The following RBM46 variants were observed in gnomAD, a reference collection of about 807,000 sequenced individuals.
The protein encoded by RBM46 is RNA binding motif protein 46, also known as probable RNA-binding protein 46.
A neutral mutation model predicts 43.3 loss-of-function variants in RBM46; 12 were observed. The ratio of observed to expected loss-of-function variants is 0.28; its 90% CI spans 0.18 to 0.45. The LOEUF (loss-of-function observed/expected upper bound fraction) is 0.45. Among genes scored for constraint, RBM46 ranks in the 20% least tolerant of loss-of-function variants. The pLI is 1.00. For missense variants in RBM46, 412 were observed against 639.1 expected (o/e 0.64, Z 3.83); for synonymous variants, 205 against 207.6 (o/e 0.99, Z 0.11).
intron 4 of RBM46, among the ~76,000 whole-genome samples, chr4:154,817,579 G>T (rs565158639): frequency 6.6e-6 from 1 of 151,990 alleles, no homozygotes; most frequent in Non-Finnish European, 1.5e-5. Flanking sequence ...TGATGTGCCC[G>T]CCTTGGCCTC....
Position 154,796,854 on chromosome 4 carries a change from C to T in RBM46, c.102C>T (p.Tyr34=), listed in dbSNP as rs1034724120. ...ALLALMEKTG[Y]NMVQENGQRK... The stretch of plus-strand genomic sequence containing the variant: ...TTGCTTTGATGGAAAAGACTGGTTA[C>T]AACATGGTTCAGGAAAATGGACAAA... Residue 34 remains tyrosine (Y), a synonymous_variant, in exon 2 of 5, where the codon TAC becomes TAT. Transcript: ENST00000281722. The T allele has an allele frequency of 3.2e-5, 51 of 1,613,838 alleles. No individual in the cohort carries two copies. The highest frequency in any genetic ancestry group is 4.2e-5 in the Non-Finnish European group (50 of 1,179,890).
intron 4 of RBM46, among the ~76,000 whole-genome samples, chr4:154,824,098 T>G (rs1177220285): frequency 6.6e-6 from 1 of 151,958 alleles, no homozygotes; most frequent in Non-Finnish European, 1.5e-5. Context: ...CTCTTTTTTT[T>G]TTTTGTTTTC....
intron 4 of RBM46, among the ~76,000 whole-genome samples, chr4:154,824,778 G>T (rs1239564802): frequency 6.6e-6 from 1 of 151,880 alleles, no homozygotes; most frequent in South Asian, 2.1e-4. Context: ...TTGAGAGAAA[G>T]AAGATAGACA....
At chr4:154,823,230 C>CA (rs1173574884) in intron 4 of RBM46, among the ~76,000 whole-genome samples, 1 of 151,736 alleles carries the variant, frequency 6.6e-6, no homozygotes, top group Non-Finnish European at 1.5e-5. Context: ...AATACAAAGG[C>CA]TAGTAGTTGC....
chr4:154,800,799 T>A (rs1734597169), intron 4 of RBM46, among the ~76,000 whole-genome samples: 1 of 152,184 alleles, frequency 6.6e-6, no homozygotes, highest in Non-Finnish European at 1.5e-5. Context: ...CTGAAAATTA[T>A]TTTTTATATG....
chr4:154,824,757 T>C (rs1196023793), intron 4 of RBM46, among the ~76,000 whole-genome samples: 2 of 152,090 alleles, frequency 1.3e-5, no homozygotes, highest in East Asian at 3.8e-4. Context: ...TCAAATGTGC[T>C]TAAAATTATG....
intron 4 of RBM46, among the ~76,000 whole-genome samples, chr4:154,803,159 CTTGG>C (rs1246717942): frequency 4.6e-5 from 7 of 152,200 alleles, no homozygotes; most frequent in Non-Finnish European, 1.0e-4. Context: ...CTCAAAAGTT[CTTGG>C]TTTACAGGTC....
chr4:154,804,473 G>T (rs897790261), intron 4 of RBM46, among the ~76,000 whole-genome samples: 1 of 152,274 alleles, frequency 6.6e-6, no homozygotes. Context: ...AGGATTCTTT[G>T]CATTGTAGAA....
intron 4 of RBM46, among the ~76,000 whole-genome samples, chr4:154,823,601 A>G (rs982399380): frequency 6.6e-6 from 1 of 151,958 alleles, no homozygotes; most frequent in Non-Finnish European, 1.5e-5. Flanking sequence ...AGCAGCTAAG[A>G]ATTAGTGGTG....
intron 4 of RBM46, among the ~76,000 whole-genome samples, chr4:154,805,471 G>A (rs183259147): frequency 5.9e-5 from 9 of 151,882 alleles, no homozygotes; most frequent in African/African-American, 2.2e-4. Flanking sequence ...TTTTTTTCTG[G>A]TAATTGAATA....
At chr4:154,821,507 G>A (rs1448177213) in intron 4 of RBM46, among the ~76,000 whole-genome samples, 5 of 151,806 alleles carry the variant, frequency 3.3e-5, no homozygotes, top group East Asian at 1.9e-4. Flanking sequence ...TTAGAAAGTA[G>A]CACCAAAAGG....
intron 4 of RBM46, among the ~76,000 whole-genome samples, chr4:154,817,785 G>T (rs1334135354): frequency 6.6e-6 from 1 of 151,680 alleles, no homozygotes; most frequent in Non-Finnish European, 1.5e-5. Context: ...CTCTCATTTT[G>T]CCATTTGCGT....
At position 154,783,529 on chromosome 4, in the gene RBM46, G is replaced by A. The variant is rs156549; in HGVS notation, c.-12+2093G>A. Among the ~76,000 whole-genome samples the A allele has an allele frequency of 4.6e-3, 701 of 152,268 alleles. 10 individuals carry two copies. Among genetic ancestry groups the A allele is most frequent in the African/African-American group, 0.016 (661 of 41,540 alleles). Reference sequence around the variant, plus strand: ...TACTACCCGATGATTGATGAGGCAAGAAAATGTGATCTCTATGTTCAAATT... The same window carrying A: ...TACTACCCGATGATTGATGAGGCAAAAAAATGTGATCTCTATGTTCAAATT... On this transcript the variant is annotated intron_variant, in intron 1 of 4. Transcript: ENST00000281722.
intron 1 of RBM46, among the ~76,000 whole-genome samples, chr4:154,782,211 C>T (rs939742713): frequency 1.3e-5 from 2 of 152,124 alleles, no homozygotes; most frequent in African/African-American, 4.8e-5. Flanking sequence ...TTTTTAAACC[C>T]CTAATTTAAA....
At chr4:154,788,078 G>A (rs926566998) in intron 1 of RBM46, among the ~76,000 whole-genome samples, 1 of 152,088 alleles carries the variant, frequency 6.6e-6, no homozygotes, top group Non-Finnish European at 1.5e-5. Flanking sequence ...TGGAGATTCT[G>A]GATATTAGCC....
chr4:154,808,344 A>G (rs765887832), intron 4 of RBM46, among the ~76,000 whole-genome samples: 10 of 152,066 alleles, frequency 6.6e-5, no homozygotes, highest in South Asian at 2.1e-4. Flanking sequence ...CTTCCATTAT[A>G]TAGTCTAAGG....
intron 3 of RBM46, 114 bp downstream of exon 3, chr4:154,798,392 ATTGT>A (rs1734451550): frequency 4.4e-6 from 3 of 681,270 alleles, no homozygotes; most frequent in Admixed American, 7.0e-5. Context: ...AGAGTAAAGA[ATTGT>A]TTGAGTAATG....
chr4:154,784,448 TTAAAGA>T (rs1204658907), intron 1 of RBM46, among the ~76,000 whole-genome samples: 15 of 152,366 alleles, frequency 9.8e-5, no homozygotes, highest in Non-Finnish European at 1.5e-4. Flanking sequence ...TAGTTAGCAC[TTAAAGA>T]TAAAGGCTTG....
intron 1 of RBM46, among the ~76,000 whole-genome samples, chr4:154,783,002 T>C (rs1352231703): frequency 6.6e-6 from 1 of 152,246 alleles, no homozygotes. Flanking sequence ...TTGGATCTTT[T>C]CAGAATTGAA....
Sources: gnomAD v4.1 joint callset for allele counts (sites outside exome capture counted in the v4.1 genomes callset) on GRCh38, gnomAD v4.1.1 for gene constraint, MANE v1.5 for transcripts, NCBI Gene and HGNC (gene_info 2026-07-23, HGNC 2026-07-21) for gene names.